ADCY2: variants seen among roughly 807,000 people sequenced by gnomAD.
The protein encoded by ADCY2 is adenylate cyclase 2, also known as adenylate cyclase type 2.
A neutral mutation model predicts 125.2 loss-of-function variants in ADCY2; 31 were observed. That is an observed-to-expected ratio of 0.25 (90% CI 0.19 to 0.33). The LOEUF is 0.33. Among genes scored for constraint, ADCY2 ranks in the 10% least tolerant of loss-of-function variants. The pLI is 1.00. For synonymous variants in ADCY2, 512 were observed against 548.4 expected (o/e 0.93, Z 0.93); for missense variants, 904 against 1,418.2 (o/e 0.64, Z 5.82).
chr5:7,764,033 A>G (rs2126470276), intron 16 of ADCY2, among the ~76,000 whole-genome samples: 1 of 152,336 alleles, frequency 6.6e-6, no homozygotes, highest in South Asian at 2.1e-4. Flanking sequence ...GTCAACGGGA[A>G]CAGTGTGTTC....
At chr5:7,754,974 CAAT>C (rs1322198363) in intron 15 of ADCY2, among the ~76,000 whole-genome samples, 1 of 152,180 alleles carries the variant, frequency 6.6e-6, no homozygotes, top group Non-Finnish European at 1.5e-5. Flanking sequence ...ATGCATTAAA[CAAT>C]AATGATAACC....
At position 7,820,556 on chromosome 5, in the gene ADCY2, G is replaced by A; in HGVS notation, c.2999-9G>A. ...TGAATCTTGCTAACTCAACTCTGAT[G>A]TGGCACAGGTATTAACCATGGACCT... On this transcript the variant is annotated splice_polypyrimidine_tract_variant and intron_variant, in intron 23 of 24. Coordinates refer to ENST00000338316, the MANE Select transcript of ADCY2 (RefSeq NM_020546.3). 6.2e-7 allele frequency: 1 copy of A among 1,613,560 alleles called. No homozygotes were observed. The highest frequency in any genetic ancestry group is 8.5e-7 in the Non-Finnish European group (1 of 1,179,648).
At position 7,409,959 on chromosome 5, in the gene ADCY2, GTCTA is replaced by G. The variant is rs202187880; in HGVS notation, c.211-4608_211-4605del. ...ATGTATGTAGATAAGAATAAAAATT[GTCTA>G]TCTATTTATCTATATACATATGAAA... On this transcript the variant is annotated intron_variant, in intron 1 of 24. Coordinates refer to ENST00000338316, the MANE Select transcript of ADCY2 (RefSeq NM_020546.3). Among the ~76,000 whole-genome samples, 849 of 152,242 alleles carry G rather than the reference GTCTA, an allele frequency of 5.6e-3. 27 individuals are homozygous for G. In the South Asian group the frequency reaches 0.076, roughly 14 times the overall value.
At chr5:7,602,429 T>A (rs1014884548) in intron 3 of ADCY2, among the ~76,000 whole-genome samples, 2 of 152,192 alleles carry the variant, frequency 1.3e-5, no homozygotes, top group Non-Finnish European at 2.9e-5. Context: ...CTTTCCCATT[T>A]CAGCTGGATT....
At chr5:7,684,528 T>C (rs1158381949) in intron 4 of ADCY2, among the ~76,000 whole-genome samples, 2 of 152,268 alleles carry the variant, frequency 1.3e-5, no homozygotes, top group East Asian at 3.8e-4. Flanking sequence ...TAATTTGACT[T>C]GATTAGCACT....
intron 24 of ADCY2, among the ~76,000 whole-genome samples, chr5:7,825,520 G>A (rs1745448796): frequency 6.6e-6 from 1 of 152,262 alleles, no homozygotes; most frequent in Non-Finnish European, 1.5e-5. Flanking sequence ...CCTTGTTGCA[G>A]CCATGCCAGC....
intron 3 of ADCY2, among the ~76,000 whole-genome samples, chr5:7,601,304 C>A (rs879140889): frequency 1.3e-5 from 2 of 151,274 alleles, no homozygotes; most frequent in Admixed American, 1.3e-4. Context: ...AAACAAATAT[C>A]GTGATGAATT....
chr5:7,719,214 A>G (rs1741686885), intron 12 of ADCY2, among the ~76,000 whole-genome samples: 1 of 152,162 alleles, frequency 6.6e-6, no homozygotes, highest in Non-Finnish European at 1.5e-5. Context: ...ATGCAAATAT[A>G]TGTTTAGTTA....
At chr5:7,618,516 A>T (rs897747243) in intron 3 of ADCY2, among the ~76,000 whole-genome samples, 2 of 152,198 alleles carry the variant, frequency 1.3e-5, no homozygotes, top group Non-Finnish European at 2.9e-5. Flanking sequence ...TTTTCTCCTA[A>T]ACTAAGCTGC....
At chr5:7,496,021 G>A (rs2126495636) in intron 2 of ADCY2, among the ~76,000 whole-genome samples, 1 of 152,314 alleles carries the variant, frequency 6.6e-6, no homozygotes, top group Non-Finnish European at 1.5e-5. Flanking sequence ...TGTTGCTGCT[G>A]CATAGTCCAA....
intron 2 of ADCY2, among the ~76,000 whole-genome samples, chr5:7,420,113 G>C (rs1740136690): frequency 6.6e-6 from 1 of 152,144 alleles, no homozygotes; most frequent in Non-Finnish European, 1.5e-5. Context: ...TCACAGCTTG[G>C]TCGGGTATGG....
intron 3 of ADCY2, among the ~76,000 whole-genome samples, chr5:7,562,013 G>A (rs1579575630): frequency 6.6e-6 from 1 of 152,132 alleles, no homozygotes; most frequent in East Asian, 1.9e-4. Flanking sequence ...TATGTATGTA[G>A]GCCTTATAGA....
intron 2 of ADCY2, among the ~76,000 whole-genome samples, chr5:7,512,439 A>C (rs1235706775): frequency 2.6e-5 from 4 of 152,018 alleles, no homozygotes; most frequent in Admixed American, 6.6e-5. Flanking sequence ...GAGGGAGTAC[A>C]TGGGCTCTGG....
chr5:7,735,954 T>C (rs12514936), intron 14 of ADCY2, among the ~76,000 whole-genome samples: 54,517 of 152,044 alleles, frequency 0.36, 12,283 homozygotes, highest in East Asian at 0.94. Context: ...TCCCAGCACT[T>C]TGAGAGGCAG....
chr5:7,715,289 C>A (rs929134754), intron 11 of ADCY2, among the ~76,000 whole-genome samples: 1 of 152,216 alleles, frequency 6.6e-6, no homozygotes. Flanking sequence ...ATCATCTAAT[C>A]AAATCCTAAA....
chr5:7,734,170 T>TA (rs1279305060), intron 14 of ADCY2, among the ~76,000 whole-genome samples: 1 of 152,172 alleles, frequency 6.6e-6, no homozygotes, highest in East Asian at 1.9e-4. Flanking sequence ...AGGCTTGCTT[T>TA]AGGGAGGAAG....
chr5:7,572,385 G>A (rs1736094566), intron 3 of ADCY2, among the ~76,000 whole-genome samples: 2 of 151,908 alleles, frequency 1.3e-5, no homozygotes, highest in Admixed American at 1.3e-4. Context: ...GTTTTCATTT[G>A]CATTTTTTTA....
chr5:7,756,082 G>A (rs1443164485), intron 15 of ADCY2, among the ~76,000 whole-genome samples: 2 of 152,208 alleles, frequency 1.3e-5, no homozygotes, highest in African/African-American at 2.4e-5. Flanking sequence ...GCCCGTTAGT[G>A]TGAAGATAAC....
chr5:7,408,684 A>G (rs1739596831), intron 1 of ADCY2, among the ~76,000 whole-genome samples: 1 of 152,126 alleles, frequency 6.6e-6, no homozygotes, highest in South Asian at 2.1e-4. Context: ...CTATTATTAA[A>G]AAGTAAAAAA....
Sources: allele counts gnomAD v4.1 joint callset (sites outside exome capture counted in the v4.1 genomes callset), GRCh38; gene constraint gnomAD v4.1.1; transcripts MANE v1.5; gene names NCBI Gene and HGNC (gene_info 2026-07-23, HGNC 2026-07-21).